Variants in COL4A4 observed in about 807,000 individuals in gnomAD.
The protein encoded by COL4A4 is collagen alpha-4(IV) chain.
A neutral mutation model predicts 192.9 loss-of-function variants in COL4A4; 105 were observed. The ratio of observed to expected loss-of-function variants is 0.54; its 90% CI spans 0.46 to 0.64. COL4A4 has a LOEUF of 0.64. COL4A4 is among the 30% of genes least tolerant of loss of function. The pLI, the probability that COL4A4 is intolerant of heterozygous loss-of-function variation, is 0.00. For synonymous variants in COL4A4, 762 were observed against 769.9 expected (o/e 0.99, Z 0.17); for missense variants, 1,967 against 2,169.3 (o/e 0.91, Z 1.85).
At chr2:227,145,432 G>A (rs1011290310) in intron 2 of COL4A4, among the ~76,000 whole-genome samples, 17 of 152,206 alleles carry the variant, frequency 1.1e-4, no homozygotes, top group African/African-American at 3.6e-4. Flanking sequence ...GGGTAACAGA[G>A]TGAGGTTCTG....
At chr2:227,121,496 C>A (rs115515806) in intron 4 of COL4A4, among the ~76,000 whole-genome samples, 5,139 of 146,628 alleles carry the variant, frequency 0.035, 290 homozygotes, top group African/African-American at 0.12. Flanking sequence ...CCTAGGAAGC[C>A]GAGGTTGCAG....
downstream of COL4A4, among the ~76,000 whole-genome samples, chr2:227,000,938 A>G (rs1245409580): frequency 3.3e-5 from 5 of 151,794 alleles, no homozygotes; most frequent in East Asian, 9.7e-4. Flanking sequence ...CGTGCCTTTC[A>G]CCTTCGCCAT....
chr2:227,124,202 A>T (rs1342337315), intron 4 of COL4A4, among the ~76,000 whole-genome samples: 1 of 152,240 alleles, frequency 6.6e-6, no homozygotes, highest in Non-Finnish European at 1.5e-5. Context: ...TAGGACATAA[A>T]AGAAACTGCA....
intron 20 of COL4A4, 115 bp from the exon 21 acceptor site, chr2:227,090,072 C>T: frequency 1.4e-6 from 1 of 737,908 alleles, no homozygotes; most frequent in Non-Finnish European, 2.3e-6. Flanking sequence ...CTTTCCCAAC[C>T]CCATTCTTTG....
At chr2:227,105,791 G>C (rs942343907) in intron 12 of COL4A4, among the ~76,000 whole-genome samples, 10 of 152,052 alleles carry the variant, frequency 6.6e-5, no homozygotes, top group African/African-American at 2.2e-4. Context: ...GCCCTTACTG[G>C]CTCTGTCACT....
chr2:227,094,766 T>C (rs1185789389), intron 19 of COL4A4, among the ~76,000 whole-genome samples: 2 of 152,212 alleles, frequency 1.3e-5, no homozygotes, highest in African/African-American at 4.8e-5. Context: ...AGCTGGAATG[T>C]GGTGATCATT....
chr2:227,079,321 C>T (rs78375013), intron 24 of COL4A4, among the ~76,000 whole-genome samples: 4,204 of 152,258 alleles, frequency 0.028, 184 homozygotes, highest in African/African-American at 0.095. Flanking sequence ...TCTATATAGA[C>T]GCTGCTTTTT....
At chr2:227,111,785 A>C in intron 8 of COL4A4, 72 bp from the exon 9 acceptor site, 1 of 1,497,458 alleles carries the variant, frequency 6.7e-7, no homozygotes, top group African/African-American at 1.4e-5. Flanking sequence ...AAAAATAGAA[A>C]TATACACAAA....
At chr2:227,088,548 C>T in intron 22 of COL4A4, 105 bp downstream of exon 22, 1 of 1,445,476 alleles carries the variant, frequency 6.9e-7, no homozygotes, top group South Asian at 1.1e-5. Context: ...AAACCTCTTT[C>T]CTTAATAAAT....
intron 22 of COL4A4, among the ~76,000 whole-genome samples, chr2:227,087,707 A>G (rs1442585921): frequency 8.5e-5 from 13 of 152,188 alleles, no homozygotes; most frequent in Admixed American, 7.9e-4. Context: ...CATATGGTCT[A>G]TGCTCCACAG....
At chr2:227,074,413 T>G (rs953177417) in intron 25 of COL4A4, among the ~76,000 whole-genome samples, 1 of 152,046 alleles carries the variant, frequency 6.6e-6, no homozygotes, top group African/African-American at 2.4e-5. Flanking sequence ...GATATTGGCA[T>G]GGATGTGGAG....
intron 4 of COL4A4, among the ~76,000 whole-genome samples, chr2:227,121,533 G>A (rs995408112): frequency 7.1e-6 from 1 of 141,120 alleles, no homozygotes; most frequent in African/African-American, 2.8e-5. Context: ...CTGCACTACA[G>A]CCTGGGTGAC....
At chr2:226,998,536 T>A (rs1279491538), downstream of COL4A4, 1 of 152,244 alleles carries the variant, frequency 6.6e-6, no homozygotes, top group African/African-American at 2.4e-5. Flanking sequence ...AACTTCTTCC[T>A]TTCCCTTCCC....
At chr2:227,116,130 G>A (rs904163108) in intron 7 of COL4A4, among the ~76,000 whole-genome samples, 3 of 151,864 alleles carry the variant, frequency 2.0e-5, no homozygotes, top group African/African-American at 7.3e-5. Flanking sequence ...CTAAAATTAG[G>A]GGTTCACATA....
At chr2:227,029,738 A>C (rs1413466255) in intron 41 of COL4A4, among the ~76,000 whole-genome samples, 1 of 152,242 alleles carries the variant, frequency 6.6e-6, no homozygotes, top group Non-Finnish European at 1.5e-5. Context: ...GGTGACCAAA[A>C]ACTGATCTCC....
At chr2:226,995,318 G>A in the COL4A4 span, 1 of 684,278 alleles carries the variant, frequency 1.5e-6, no homozygotes, top group Non-Finnish European at 2.6e-6. Flanking sequence ...TTTCTGTTTT[G>A]TGTTAAAATG....
At chr2:227,115,455 G>C (rs1250759488) in intron 7 of COL4A4, among the ~76,000 whole-genome samples, 1 of 151,662 alleles carries the variant, frequency 6.6e-6, no homozygotes, top group Non-Finnish European at 1.5e-5. Context: ...GTATTTTTTA[G>C]TAGAGACGGG....
chr2:227,027,754 T>G, intron 42 of COL4A4, 148 bp downstream of exon 42: 1 of 653,006 alleles, frequency 1.5e-6, no homozygotes, highest in Non-Finnish European at 2.7e-6. Flanking sequence ...GACTTTGTAG[T>G]GCGGCCTGAA....
At chr2:227,098,308 A>G (rs1321857794) in intron 19 of COL4A4, among the ~76,000 whole-genome samples, 1 of 152,194 alleles carries the variant, frequency 6.6e-6, no homozygotes, top group African/African-American at 2.4e-5. Flanking sequence ...GTGGTTTCCA[A>G]GCCTTATCTG....
Sources: allele counts gnomAD v4.1 joint callset (sites outside exome capture counted in the v4.1 genomes callset), GRCh38; gene constraint gnomAD v4.1.1; transcripts MANE v1.5; gene names NCBI Gene and HGNC (gene_info 2026-07-23, HGNC 2026-07-21).